The following BNC2 variants were observed in gnomAD, a reference collection of about 807,000 sequenced individuals.
BNC2 encodes basonuclin zinc finger protein 2, also known as zinc finger protein basonuclin-2.
In BNC2, 20 loss-of-function variants were observed where a neutral mutation model predicts 76.3. That is an observed-to-expected ratio of 0.26 (90% CI 0.18 to 0.38). The LOEUF is 0.38. Among genes scored for constraint, BNC2 ranks in the 10% least tolerant of loss-of-function variants. The pLI is 1.00. For synonymous variants in BNC2, 582 were observed against 514.8 expected, an observed-to-expected ratio of 1.13 and a Z score of -1.77; for missense variants, 1,382 against 1,399.8, an observed-to-expected ratio of 0.99 and a Z score of 0.20.
In BNC2 at chr9:16,435,546, T is replaced by A. The variant is rs773920007; in HGVS notation, c.2639+9A>T. On this transcript the variant is annotated intron_variant, in intron 6 of 6. Coordinates refer to ENST00000380672, the MANE Select transcript of BNC2 (RefSeq NM_017637.6). The stretch of plus-strand genomic sequence containing the variant: ...CCCCAGCAGGAGCAGCCAATGGAGA[T>A]TTACTGACCTGTCTCGGCTTCGGCG... 3.4e-5 allele frequency: 55 copies of A among 1,613,310 alleles called. No homozygotes were observed. Among genetic ancestry groups the A allele is most frequent in the Non-Finnish European group, 3.9e-5 (46 of 1,179,990 alleles).
At position 16,412,451 on chromosome 9, in the gene BNC2, A is replaced by T. The variant is rs1205403792; in HGVS notation, c.*6538T>A. ...CAATATAATCTTACTTATGCCACTG[A>T]CTTGCAGGAAAATTTGCTCTAATTA... On this transcript the variant is annotated 3_prime_UTR_variant, in exon 7 of 7. Coordinates refer to ENST00000380672, the MANE Select transcript of BNC2 (RefSeq NM_017637.6). 6.6e-6 allele frequency: 1 copy of T among 152,442 alleles called. No individual in the cohort carries two copies. Among genetic ancestry groups the T allele is most frequent in the Non-Finnish European group, 1.5e-5 (1 of 68,024 alleles). 9.4% of individuals were successfully genotyped at this position (152,442 alleles called of 1,614,324 possible).
chr9:16,464,264 G>C (rs986369434), intron 5 of BNC2, among the ~76,000 whole-genome samples: 1 of 152,116 alleles, frequency 6.6e-6, no homozygotes. Flanking sequence ...CAGACAATCT[G>C]CACAGGACTG....
intron 1 of BNC2, among the ~76,000 whole-genome samples, chr9:16,753,592 A>T (rs572326128): frequency 6.6e-6 from 1 of 152,212 alleles, no homozygotes; most frequent in Non-Finnish European, 1.5e-5. Flanking sequence ...AACAGACTCA[A>T]GTTTTTAACA....
At chr9:16,668,947 T>TGA (rs1223827463) in intron 3 of BNC2, among the ~76,000 whole-genome samples, 3 of 152,182 alleles carry the variant, frequency 2.0e-5, no homozygotes, top group South Asian at 2.1e-4. Context: ...AATCTGTATG[T>TGA]GAGTAAGTTG....
intron 1 of BNC2, among the ~76,000 whole-genome samples, chr9:16,788,433 A>G (rs895195406): frequency 5.3e-5 from 8 of 151,686 alleles, no homozygotes; most frequent in African/African-American, 1.7e-4. Context: ...GGCTCCTGTA[A>G]TTCCAGCTAC....
chr9:16,423,257 G>GT (rs1284058596), intron 6 of BNC2, among the ~76,000 whole-genome samples: 1 of 152,168 alleles, frequency 6.6e-6, no homozygotes, highest in African/African-American at 2.4e-5. Context: ...ATCTAAGACT[G>GT]TATTAGAACT....
intron 1 of BNC2, among the ~76,000 whole-genome samples, chr9:16,740,671 G>T (rs533883370): frequency 2.6e-5 from 4 of 152,266 alleles, no homozygotes; most frequent in African/African-American, 9.6e-5. Context: ...GACAGGTTGT[G>T]TTCATAAGTT....
At chr9:16,474,586 G>T (rs1277740125) in intron 5 of BNC2, among the ~76,000 whole-genome samples, 1 of 152,146 alleles carries the variant, frequency 6.6e-6, no homozygotes, top group Non-Finnish European at 1.5e-5. Context: ...AGAAAGATGA[G>T]TCAAGTTATT....
chr9:16,546,531 G>C (rs934687672), intron 5 of BNC2, among the ~76,000 whole-genome samples: 4 of 152,134 alleles, frequency 2.6e-5, no homozygotes, highest in Non-Finnish European at 5.9e-5. Flanking sequence ...CCAAGTCAAA[G>C]ACCGGAATTT....
chr9:16,538,930 T>C (rs985595820), intron 5 of BNC2, among the ~76,000 whole-genome samples: 11 of 152,316 alleles, frequency 7.2e-5, no homozygotes, highest in African/African-American at 2.4e-4. Context: ...TTAGAAAACA[T>C]ACCCAGTGAT....
chr9:16,657,899 G>C (rs567525834), intron 3 of BNC2, among the ~76,000 whole-genome samples: 1 of 152,012 alleles, frequency 6.6e-6, no homozygotes, highest in African/African-American at 2.4e-5. Flanking sequence ...AGGCCAGTTA[G>C]GGTTACAGAT....
At chr9:16,797,793 A>C (rs1162892971) in intron 1 of BNC2, among the ~76,000 whole-genome samples, 1 of 152,138 alleles carries the variant, frequency 6.6e-6, no homozygotes, top group African/African-American at 2.4e-5. Context: ...GCAACAAATG[A>C]TACAACTCCA....
At position 16,770,792 on chromosome 9, in the gene BNC2, G is replaced by T. The variant is rs374055648; in HGVS notation, c.4-32307C>A. Among the ~76,000 whole-genome samples, 4 of 152,064 alleles carry T rather than the reference G, an allele frequency of 2.6e-5. No homozygotes were observed. The East Asian group carries it at 7.8e-4, about 30-fold the overall frequency. ...GGTGGGAGAATCGCTTGAACCCCAG[G>T]AGGTGAAGGCTGCAGTGAGCCAAGA... On this transcript the variant is annotated intron_variant, in intron 1 of 6. Coordinates refer to ENST00000380672, the MANE Select transcript of BNC2 (RefSeq NM_017637.6).
chr9:16,860,036 TG>T lies in BNC2; in HGVS notation c.3+10609del, dbSNP rs376348338. Among the ~76,000 whole-genome samples, 47 of 151,924 alleles carry T rather than the reference TG, an allele frequency of 3.1e-4. No homozygotes were observed. The East Asian group carries it at 7.0e-3, about 23-fold the overall frequency. Reference sequence around the variant, plus strand: ...ACTTGGGAGACTCAGGCAGGGGAATTGCTTGAACCAGGGAGGTGGAGGCTGC... The same window carrying T: ...ACTTGGGAGACTCAGGCAGGGGAATTCTTGAACCAGGGAGGTGGAGGCTGC... On this transcript the variant is annotated intron_variant, in intron 1 of 6. Coordinates refer to ENST00000380672, the MANE Select transcript of BNC2 (RefSeq NM_017637.6).
At chr9:16,621,230 G>C (rs912954893) in intron 3 of BNC2, among the ~76,000 whole-genome samples, 1 of 152,158 alleles carries the variant, frequency 6.6e-6, no homozygotes, top group African/African-American at 2.4e-5. Flanking sequence ...TTTTGTCTGG[G>C]ATTGTGAATT....
At chr9:16,471,711 T>G (rs950129633) in intron 5 of BNC2, among the ~76,000 whole-genome samples, 2 of 152,182 alleles carry the variant, frequency 1.3e-5, no homozygotes, top group African/African-American at 4.8e-5. Flanking sequence ...GGGGGACTGC[T>G]GGGAAGGCAT....
At chr9:16,780,235 C>CAAAAA (rs372583425) in intron 1 of BNC2, among the ~76,000 whole-genome samples, 5 of 66,302 alleles carry the variant, frequency 7.5e-5, no homozygotes, top group African/African-American at 2.5e-4. Flanking sequence ...GACTTCGTTT[C>CAAAAA]AAAAAAAAAA....
chr9:16,614,003 G>A (rs1820625449), intron 3 of BNC2, among the ~76,000 whole-genome samples: 1 of 152,328 alleles, frequency 6.6e-6, no homozygotes, highest in South Asian at 2.1e-4. Context: ...ATGAAAATAA[G>A]TTGTTTTCTG....
intron 6 of BNC2, among the ~76,000 whole-genome samples, chr9:16,424,510 G>T (rs182782472): frequency 1.3e-5 from 2 of 152,090 alleles, no homozygotes. Flanking sequence ...CAACTCTGCC[G>T]TTCAACACAC....
Sources: gnomAD v4.1 joint callset for allele counts (sites outside exome capture counted in the v4.1 genomes callset) on GRCh38, gnomAD v4.1.1 for gene constraint, MANE v1.5 for transcripts, NCBI Gene and HGNC (gene_info 2026-07-23, HGNC 2026-07-21) for gene names.